IL12RB1: variants seen among roughly 807,000 people sequenced by gnomAD.
The protein encoded by IL12RB1 is interleukin 12 receptor subunit beta 1.
In IL12RB1, 64 loss-of-function variants were observed where a neutral mutation model predicts 94.4. That is an observed-to-expected ratio of 0.68 (90% CI 0.55 to 0.83). The LOEUF (loss-of-function observed/expected upper bound fraction) is 0.83, where lower values mean the gene tolerates loss of function less well. IL12RB1 is among the 40% of genes least tolerant of loss of function. The probability of loss-of-function intolerance (pLI) is 0.00; values close to 1 mark genes in which losing one functional copy is unlikely to be tolerated. For synonymous variants in IL12RB1, 362 were observed against 355.5 expected, an observed-to-expected ratio of 1.02 and a Z score of -0.21; for missense variants, 814 against 855.6, an observed-to-expected ratio of 0.95 and a Z score of 0.61.
At chr19:18,084,175 C>G (rs1021583662) in intron 1 of IL12RB1, among the ~76,000 whole-genome samples, 1 of 151,664 alleles carries the variant, frequency 6.6e-6, no homozygotes, top group Non-Finnish European at 1.5e-5. Context: ...ATCCATCCAT[C>G]TGCCCCACCA....
intron 10 of IL12RB1, 64 bp downstream of exon 10, chr19:18,069,482 C>T: frequency 6.8e-7 from 1 of 1,462,992 alleles, no homozygotes; most frequent in Non-Finnish European, 9.2e-7. Flanking sequence ...CAGGTTTGAA[C>T]CCACCAGGAC....
At chr19:18,070,371 C>T (rs2034936440) in intron 9 of IL12RB1, among the ~76,000 whole-genome samples, 1 of 152,260 alleles carries the variant, frequency 6.6e-6, no homozygotes, top group Non-Finnish European at 1.5e-5. Context: ...GGCTGCCCAC[C>T]ACTTGCCTAG....
Position 18,064,134 on chromosome 19 carries a change from C to CTTTT in IL12RB1, c.1484-125_1484-124insAAAA, listed in dbSNP as rs202141133. The CTTTT allele has an allele frequency of 1.7e-3, 722 of 421,914 alleles. 1 individual carries two copies. Among genetic ancestry groups the CTTTT allele is most frequent in the Non-Finnish European group, 2.2e-3 (517 of 232,764 alleles). 26.1% of individuals were successfully genotyped at this position (421,914 alleles called of 1,614,324 possible). On this transcript the variant is annotated intron_variant, in intron 12 of 16. Transcript: ENST00000593993. ...CATTTTGCTAAAATCTCTACTCTTT[C>CTTTT]TTTCTTTTTTTTTTTTTTTTTTTGA...
In IL12RB1 at chr19:18,080,928, C is replaced by G. The variant is rs756061336; in HGVS notation, c.313G>C (p.Val105Leu). 6.2e-7 allele frequency: 1 copy of G among 1,613,970 alleles called. No homozygotes were observed. Among genetic ancestry groups the G allele is most frequent in the Non-Finnish European group, 8.5e-7 (1 of 1,179,928 alleles). The change falls in exon 4 of 17, where the codon GTG (valine) becomes CTG (leucine). Residue 105 changes from valine (V) to leucine (L), a missense_variant. Physicochemically the swap from Val to Leu is conservative, Grantham distance 32. Coordinates refer to ENST00000593993, the MANE Select transcript of IL12RB1 (RefSeq NM_005535.3). ...AGTGTGACAGTGTACAGCACAGACA[C>G]CCCAGCCTGGTCGGAGAACTGCAGC... is the stretch of plus-strand genomic sequence containing the variant. The part of the protein sequence containing the change: ...TRLQFSDQAG[V>L]SVLYTVTLWV...
At chr19:18,098,055 C>G (rs999161231) in intron 1 of IL12RB1, among the ~76,000 whole-genome samples, 8 of 152,120 alleles carry the variant, frequency 5.3e-5, no homozygotes, top group Non-Finnish European at 1.0e-4. Context: ...AACTGAGGCT[C>G]CAAGCGATGG....
At chr19:18,097,647 G>C (rs2037068731) in intron 1 of IL12RB1, 1 of 382,402 alleles carries the variant, frequency 2.6e-6, no homozygotes, top group East Asian at 4.9e-5. Context: ...CTCGCCCAGT[G>C]GGGGCGGGGC....
chr19:18,059,450 A>G lies in IL12RB1; in HGVS notation c.*158T>C. On this transcript the variant is annotated 3_prime_UTR_variant, in exon 17 of 17. Coordinates refer to ENST00000593993, the MANE Select transcript of IL12RB1 (RefSeq NM_005535.3). The stretch of plus-strand genomic sequence containing the variant: ...CAGCTTCCATTTCATGGCAGCATCT[A>G]GGGTTCCCCCGCAGGATGGGTGGCA... 1.5e-6 allele frequency: 1 copy of G among 645,976 alleles called. No individual in the cohort carries two copies. The highest frequency in any genetic ancestry group is 2.8e-6 in the Non-Finnish European group (1 of 353,652). The allele number at this position is 645,976 out of a possible 1,614,324, so 40.0% of individuals were successfully genotyped here. A position where few individuals can be genotyped will look rare whatever the true frequency, so the allele number is the denominator to read the frequency against.
rs1481916090 is a variant in IL12RB1 at position 18,086,838 on chromosome 19, G to A, written c.-15C>T. On this transcript the variant is annotated 5_prime_UTR_variant, in exon 1 of 17. Coordinates refer to ENST00000593993, the MANE Select transcript of IL12RB1 (RefSeq NM_005535.3). ...AGCGGCTCCATCGGATCCACGTAGAGCCCCACAGCCCCAGGGGAGCCTCTC... is the reference window on the plus strand; with the variant it reads ...AGCGGCTCCATCGGATCCACGTAGAACCCCACAGCCCCAGGGGAGCCTCTC... 2.5e-6 allele frequency: 4 copies of A among 1,604,964 alleles called. No individual in the cohort carries two copies. The highest frequency in any genetic ancestry group is 3.4e-6 in the Non-Finnish European group (4 of 1,176,034).
chr19:18,068,275 C>G (rs1047626022), intron 11 of IL12RB1, 114 bp downstream of exon 11: 3 of 779,676 alleles, frequency 3.8e-6, no homozygotes, highest in Non-Finnish European at 5.9e-6. Flanking sequence ...ATCCACCCAC[C>G]TTGGCCTCCC....
At chr19:18,095,429 A>G (rs1358580329) in intron 1 of IL12RB1, among the ~76,000 whole-genome samples, 1 of 152,216 alleles carries the variant, frequency 6.6e-6, no homozygotes, top group Non-Finnish European at 1.5e-5. Context: ...CAGACACATA[A>G]GGCCACATGT....
Position 18,066,537 on chromosome 19 carries a change from C to T in IL12RB1, c.1483+5G>A, listed in dbSNP as rs574126894. On this transcript the variant is annotated splice_donor_5th_base_variant and intron_variant, in intron 12 of 16. Coordinates refer to ENST00000593993, the MANE Select transcript of IL12RB1 (RefSeq NM_005535.3). ...CCCAAGCCAGGTCTGCACTGCCTCA[C>T]GTACCTGACACCTGTTTGCTGTCTT... is the stretch of plus-strand genomic sequence containing the variant. The T allele has an allele frequency of 2.0e-5, 32 of 1,609,574 alleles. No homozygotes were observed. The highest frequency in any genetic ancestry group is 5.0e-5 in the Admixed American group (3 of 59,996).
rs751966500 is a variant in IL12RB1 at position 18,082,157 on chromosome 19, G to A, written c.232C>T (p.Arg78Trp). The A allele has an allele frequency of 1.9e-5, 30 of 1,601,416 alleles. No homozygotes were observed. Among genetic ancestry groups the A allele is most frequent in the East Asian group, 1.1e-4 (5 of 44,836 alleles). ...GPTAGVSHFL[R>W]CCLSSGRCCY... ...TGGTAGAGGGGTCCTCACCAACACC[G>A]CAGGAAGTGGCTGACCCCAGCTGTG... The change falls in exon 3 of 17, where the codon CGG (arginine) becomes TGG (tryptophan). Residue 78 changes from arginine (R) to tryptophan (W), a missense_variant. Physicochemically the swap from Arg to Trp is moderately radical, Grantham distance 101 (BLOSUM62 -3). Coordinates refer to ENST00000593993, the MANE Select transcript of IL12RB1 (RefSeq NM_005535.3).
Position 18,072,453 on chromosome 19 carries a change from A to G in IL12RB1, c.784-104T>C, listed in dbSNP as rs1568500623. On this transcript the variant is annotated intron_variant, in intron 8 of 16. Coordinates refer to ENST00000593993, the MANE Select transcript of IL12RB1 (RefSeq NM_005535.3). ...ATGAAGACAGACTTGGACAAAGGCC[A>G]CAGCCAATAACATGCATCAAAAATT... 1.0e-5 allele frequency: 8 copies of G among 764,378 alleles called. No individual in the cohort carries two copies. The East Asian group carries it at 2.0e-4, about 19-fold the overall frequency. 47.3% of individuals were successfully genotyped at this position (764,378 alleles called of 1,614,324 possible).
chr19:18,083,284 C>T, intron 2 of IL12RB1, 148 bp downstream of exon 2: 1 of 791,822 alleles, frequency 1.3e-6, no homozygotes, highest in Non-Finnish European at 2.3e-6. Context: ...TAAGAATGGG[C>T]CAGCAGGTGG....
At chr19:18,081,030 G>A (rs775586528) in intron 3 of IL12RB1, 29 bp from the exon 4 acceptor site, 16 of 1,602,974 alleles carry the variant, frequency 1.0e-5, no homozygotes, top group South Asian at 2.2e-5. Context: ...TGTCAGTGCC[G>A]AGTCTGGGGT....
intron 9 of IL12RB1, chr19:18,070,624 T>C (rs2034958186): frequency 8.9e-6 from 6 of 674,186 alleles, no homozygotes; most frequent in Non-Finnish European, 1.1e-5. Context: ...GCTGAGAGCT[T>C]TACAGGCACC....
At chr19:18,077,712 G>A in intron 4 of IL12RB1, 57 bp from the exon 5 acceptor site, 1 of 1,142,564 alleles carries the variant, frequency 8.8e-7, no homozygotes, top group South Asian at 1.2e-5. Flanking sequence ...GAGTTAATGG[G>A]CCCTGAAAAT....
At position 18,066,594 on chromosome 19, in the gene IL12RB1, G is replaced by A; in HGVS notation, c.1431C>T (p.Val477=). 1 of 1,613,542 alleles carries A rather than the reference G, an allele frequency of 6.2e-7. No homozygotes were observed. Among genetic ancestry groups the A allele is most frequent in the Non-Finnish European group, 8.5e-7 (1 of 1,179,720 alleles). The change falls in exon 12 of 17, where the codon GTC becomes GTT. Residue 477 remains valine, a synonymous_variant. Coordinates refer to ENST00000593993, the MANE Select transcript of IL12RB1 (RefSeq NM_005535.3). ...GGCAGCGGACAACATACTCCTTTAG[G>A]ACGCCGGGACAGGTGCTCAGCAGGG... The part of the protein sequence containing the change: ...APSLLSTCPG[V]LKEYVVRCRD...
upstream of IL12RB1, chr19:18,091,302 G>A (rs425648): frequency 6.6e-6 from 1 of 152,142 alleles, no homozygotes; most frequent in Non-Finnish European, 1.5e-5. Flanking sequence ...CCACCCAGCT[G>A]CCCCAGAAGC....
Sources: gnomAD v4.1 joint callset for allele counts (sites outside exome capture counted in the v4.1 genomes callset) on GRCh38, gnomAD v4.1.1 for gene constraint, MANE v1.5 for transcripts, NCBI Gene and HGNC (gene_info 2026-07-23, HGNC 2026-07-21) for gene names.